The following GDPD4 variants were observed in gnomAD, a reference collection of about 807,000 sequenced individuals.
The protein encoded by GDPD4 is glycerophosphodiester phosphodiesterase 6.
A neutral mutation model predicts 67.8 loss-of-function variants in GDPD4; 60 were observed. The observed-to-expected ratio is 0.88, with a 90% CI of 0.72 to 1.10. The LOEUF is 1.10. Ranked by LOEUF, GDPD4 falls within the 50% of genes least tolerant of loss-of-function variation. The pLI, the probability that GDPD4 is intolerant of heterozygous loss-of-function variation, is 0.00. For missense variants in GDPD4, 623 were observed against 613.9 expected, an observed-to-expected ratio of 1.01 and a Z score of -0.16; for synonymous variants, 212 against 210.9, an observed-to-expected ratio of 1.00 and a Z score of -0.04.
At chr11:77,229,531 G>C (rs1958414365) in intron 14 of GDPD4, among the ~76,000 whole-genome samples, 1 of 152,184 alleles carries the variant, frequency 6.6e-6, no homozygotes, top group East Asian at 1.9e-4. Context: ...CACACAACAA[G>C]TCTATTCTGG....
intron 3 of GDPD4, 21 bp from the exon 4 acceptor site, chr11:77,279,420 G>A: frequency 6.8e-7 from 1 of 1,472,300 alleles, no homozygotes; most frequent in Non-Finnish European, 9.5e-7. Context: ...ATGTGTTTCA[G>A]TTCTTAAAAT....
chr11:77,221,135 C>G (rs1264301266), intron 16 of GDPD4, among the ~76,000 whole-genome samples: 1 of 151,718 alleles, frequency 6.6e-6, no homozygotes, highest in Non-Finnish European at 1.5e-5. Flanking sequence ...CTAATTGATT[C>G]TTCTCTATTA....
chr11:77,256,869 G>A (rs1450695514), intron 11 of GDPD4, among the ~76,000 whole-genome samples: 1 of 152,204 alleles, frequency 6.6e-6, no homozygotes, highest in Non-Finnish European at 1.5e-5. Flanking sequence ...TGTAGAGCAT[G>A]TAGAACCATG....
intron 12 of GDPD4, among the ~76,000 whole-genome samples, chr11:77,244,350 A>G (rs1351402924): frequency 1.3e-5 from 2 of 152,102 alleles, no homozygotes; most frequent in Admixed American, 1.3e-4. Context: ...GTATCTTCTA[A>G]TGAACTCTTA....
chr11:77,272,754 C>G (rs1959274259), intron 5 of GDPD4, among the ~76,000 whole-genome samples: 1 of 150,186 alleles, frequency 6.7e-6, no homozygotes, highest in African/African-American at 2.5e-5. Context: ...CCAGCCTGAG[C>G]AACGGAGTGA....
chr11:77,268,082 T>G (rs113856267), intron 10 of GDPD4, among the ~76,000 whole-genome samples: 2,471 of 152,236 alleles, frequency 0.016, 22 homozygotes, highest in African/African-American at 0.026. Flanking sequence ...TGACTACATC[T>G]TATTCATTTG....
At chr11:77,259,709 G>A (rs982995698) in intron 10 of GDPD4, among the ~76,000 whole-genome samples, 1 of 152,138 alleles carries the variant, frequency 6.6e-6, no homozygotes, top group Non-Finnish European at 1.5e-5. Flanking sequence ...TTAGAGTAAG[G>A]GGGGAGCCAA....
intron 11 of GDPD4, 54 bp downstream of exon 11, chr11:77,258,332 T>A (rs1279780430): frequency 6.5e-7 from 1 of 1,537,402 alleles, no homozygotes; most frequent in Non-Finnish European, 9.0e-7. Flanking sequence ...GAGCAGCACA[T>A]GATCTCTTAC....
intron 16 of GDPD4, among the ~76,000 whole-genome samples, chr11:77,227,076 G>A (rs3740769): frequency 0.83 from 125,650 of 152,172 alleles, 52,092 homozygotes; most frequent in Middle Eastern, 0.87. Context: ...CCCACACCGC[G>A]CAGTCTTCTG....
intron 3 of GDPD4, among the ~76,000 whole-genome samples, chr11:77,279,700 C>T (rs975569634): frequency 4.6e-5 from 7 of 151,692 alleles, no homozygotes; most frequent in Non-Finnish European, 7.4e-5. Flanking sequence ...TTGGGAATAC[C>T]GGAAGAGAAA....
At chr11:77,272,710 A>G (rs999703340) in intron 5 of GDPD4, among the ~76,000 whole-genome samples, 7 of 152,102 alleles carry the variant, frequency 4.6e-5, no homozygotes, top group African/African-American at 1.7e-4. Context: ...CGGGAGGCAG[A>G]AGTTGCAGTG....
At chr11:77,228,179 C>G (rs1958379575) in intron 15 of GDPD4, among the ~76,000 whole-genome samples, 1 of 151,238 alleles carries the variant, frequency 6.6e-6, no homozygotes, top group Non-Finnish European at 1.5e-5. Context: ...ATGGTGAAAC[C>G]CCATCTCTAC....
chr11:77,233,878 A>G (rs556316203), intron 13 of GDPD4, among the ~76,000 whole-genome samples: 10 of 152,214 alleles, frequency 6.6e-5, no homozygotes, highest in Non-Finnish European at 1.2e-4. Flanking sequence ...TTTTGCAAGT[A>G]ATGAAAATAG....
intron 3 of GDPD4, among the ~76,000 whole-genome samples, chr11:77,283,373 G>A (rs368280299): frequency 6.6e-6 from 1 of 152,122 alleles, no homozygotes; most frequent in Non-Finnish European, 1.5e-5. Context: ...CCACCACCAC[G>A]CTATTTTTGC....
intron 15 of GDPD4, among the ~76,000 whole-genome samples, chr11:77,228,300 C>T (rs1168114732): frequency 6.6e-6 from 1 of 151,632 alleles, no homozygotes; most frequent in Non-Finnish European, 1.5e-5. Context: ...AGTTCAAGAC[C>T]AGCCTGACCA....
intron 11 of GDPD4, among the ~76,000 whole-genome samples, chr11:77,248,225 C>T (rs1210430665): frequency 3.5e-5 from 5 of 144,746 alleles, no homozygotes; most frequent in Non-Finnish European, 6.0e-5. Context: ...TTTTTTGAGA[C>T]GGAGTCCTGT....
At chr11:77,283,824 A>G (rs1959865782) in intron 3 of GDPD4, among the ~76,000 whole-genome samples, 1 of 151,780 alleles carries the variant, frequency 6.6e-6, no homozygotes, top group Admixed American at 6.6e-5. Context: ...ACCTTTTGAG[A>G]AAGTACTTTG....
intron 2 of GDPD4, 28 bp from the exon 3 acceptor site, chr11:77,285,215 T>C: frequency 8.8e-7 from 1 of 1,138,776 alleles, no homozygotes. Context: ...AAATCTAACT[T>C]AGCTCCATTT....
Position 77,245,602 on chromosome 11 carries a change from A to C in GDPD4, c.865-100T>G. On this transcript the variant is annotated intron_variant, in intron 11 of 16. Coordinates refer to ENST00000315938, the MANE Select transcript of GDPD4 (RefSeq NM_182833.3). ...TACCTCAGTTGCTCCATTATCATTC[A>C]ATCCATCAGGCCCTCTGAAGTACTA... 3 of 733,984 alleles carry C rather than the reference A, an allele frequency of 4.1e-6. No individual in the cohort carries two copies. The East Asian group carries it at 7.9e-5, about 19-fold the overall frequency. The allele number at this position is 733,984 out of a possible 1,614,324, so 45.5% of individuals were successfully genotyped here.
Sources: gnomAD v4.1 joint callset for allele counts (sites outside exome capture counted in the v4.1 genomes callset) on GRCh38, gnomAD v4.1.1 for gene constraint, MANE v1.5 for transcripts, NCBI Gene and HGNC (gene_info 2026-07-23, HGNC 2026-07-21) for gene names.